The following IGFL2 variants were observed in gnomAD, a reference collection of about 807,000 sequenced individuals.
The protein encoded by IGFL2 is insulin growth factor-like family member 2.
IGFL2 carries 7 observed loss-of-function variants against 13.9 expected under a neutral mutation model. That is an observed-to-expected ratio of 0.51 (90% CI 0.29 to 0.95). The LOEUF (loss-of-function observed/expected upper bound fraction) is 0.95. Ranked by LOEUF, IGFL2 falls within the 40% of genes least tolerant of loss-of-function variation. The pLI is 0.08. For synonymous variants in IGFL2, 55 were observed against 55.8 expected (o/e 0.99, Z 0.07); for missense variants, 138 against 147.8 (o/e 0.93, Z 0.34).
intron 1 of IGFL2, among the ~76,000 whole-genome samples, chr19:46,157,320 AATG>A (rs2146872435): frequency 6.6e-6 from 1 of 152,286 alleles, no homozygotes. Context: ...AAACAAGAAC[AATG>A]ACAACAACAA....
At chr19:46,102,594 G>A in the IGFL2 span, among the ~76,000 whole-genome samples, 1 of 152,136 alleles carries the variant, frequency 6.6e-6, no homozygotes, top group Non-Finnish European at 1.5e-5. Flanking sequence ...ATCAGTTAGG[G>A]TGGGGCAGGA....
chr19:46,123,790 C>T, the IGFL2 span: 1,492 of 1,363,224 alleles, frequency 1.1e-3, 40 homozygotes, highest in South Asian at 0.011. Context: ...ACTCTTTTGC[C>T]GTTAGAACTC....
At chr19:46,176,650 G>A in the IGFL2 span, among the ~76,000 whole-genome samples, 2 of 134,862 alleles carry the variant, frequency 1.5e-5, no homozygotes, top group East Asian at 4.5e-4. Context: ...GAGCCCAGAT[G>A]CCAGGGATCT....
the IGFL2 span, among the ~76,000 whole-genome samples, chr19:46,079,392 G>C: frequency 3.9e-3 from 598 of 152,342 alleles, 1 homozygote; most frequent in African/African-American, 0.013. Context: ...CTAGAAAATG[G>C]AGCTCAGCGA....
the IGFL2 span, among the ~76,000 whole-genome samples, chr19:46,183,226 A>C: frequency 6.6e-6 from 1 of 152,136 alleles, no homozygotes; most frequent in Admixed American, 6.5e-5. Flanking sequence ...TTCACTCACT[A>C]TCATGAGAAC....
chr19:46,146,149 GTCT>G (rs756753340), upstream of IGFL2, among the ~76,000 whole-genome samples: 14 of 151,412 alleles, frequency 9.2e-5, no homozygotes, highest in African/African-American at 2.2e-4. Flanking sequence ...TTTGGTAGAA[GTCT>G]TCTTTTTTTT....
At chr19:46,115,980 C>G in the IGFL2 span, among the ~76,000 whole-genome samples, 1 of 152,154 alleles carries the variant, frequency 6.6e-6, no homozygotes, top group Non-Finnish European at 1.5e-5. Context: ...CTGCCACTCT[C>G]TGTTCTCAGG....
chr19:46,197,263 T>A, the IGFL2 span: 1 of 193,000 alleles, frequency 5.2e-6, no homozygotes, highest in Non-Finnish European at 1.1e-5. Context: ...GACCCTGACC[T>A]CAGATAACAG....
chr19:46,099,571 C>T, the IGFL2 span, among the ~76,000 whole-genome samples: 1 of 151,654 alleles, frequency 6.6e-6, no homozygotes, highest in Non-Finnish European at 1.5e-5. Context: ...CTCTGTCACC[C>T]AGGCTGGAGT....
the IGFL2 span, among the ~76,000 whole-genome samples, chr19:46,106,782 G>A: frequency 6.6e-6 from 1 of 152,144 alleles, no homozygotes; most frequent in Non-Finnish European, 1.5e-5. Flanking sequence ...TTTAAAGCCT[G>A]CTGTGGGATG....
chr19:46,147,989 A>G (rs1171750221), upstream of IGFL2: 1 of 381,454 alleles, frequency 2.6e-6, no homozygotes, highest in Non-Finnish European at 4.7e-6. Context: ...AGTTCAAAGA[A>G]TGACACTCAC....
the IGFL2 span, chr19:46,207,533 C>A: frequency 6.6e-6 from 1 of 152,140 alleles, no homozygotes; most frequent in Non-Finnish European, 1.5e-5. Flanking sequence ...AAGCGCCCAC[C>A]AGCATGCCCA....
the IGFL2 span, among the ~76,000 whole-genome samples, chr19:46,181,603 C>A: frequency 1.3e-5 from 2 of 152,206 alleles, no homozygotes; most frequent in African/African-American, 4.8e-5. Context: ...TCCTGACACT[C>A]CCTCCCAGGA....
At chr19:46,202,641 C>T in the IGFL2 span, 5 of 152,178 alleles carry the variant, frequency 3.3e-5, no homozygotes, top group African/African-American at 1.2e-4. Context: ...CATGCATCCC[C>T]ACAGTGATTA....
chr19:46,157,102 T>G (rs1973866359), intron 1 of IGFL2, among the ~76,000 whole-genome samples: 1 of 152,192 alleles, frequency 6.6e-6, no homozygotes, highest in Non-Finnish European at 1.5e-5. Flanking sequence ...AGTAGCCTTA[T>G]AACTATTAAG....
the IGFL2 span, among the ~76,000 whole-genome samples, chr19:46,187,301 G>A: frequency 2.7e-5 from 4 of 150,656 alleles, no homozygotes; most frequent in Non-Finnish European, 4.4e-5. Context: ...ATTTATACCT[G>A]AGGTTGTGCT....
chr19:46,095,491 A>G, the IGFL2 span, among the ~76,000 whole-genome samples: 1 of 152,102 alleles, frequency 6.6e-6, no homozygotes, highest in Non-Finnish European at 1.5e-5. Flanking sequence ...GTTCATGCTG[A>G]TGATAATTTC....
the IGFL2 span, chr19:46,112,150 C>G: frequency 6.6e-6 from 1 of 152,314 alleles, no homozygotes; most frequent in East Asian, 1.9e-4. Context: ...AGCTAACTTT[C>G]AAAAGGCAGT....
chr19:46,148,838 G>T (rs1973283437), intron 1 of IGFL2: 2 of 1,492,334 alleles, frequency 1.3e-6, no homozygotes, highest in African/African-American at 2.8e-5. Context: ...TTGGACTGTG[G>T]TTGTGCCAGT....
Sources: allele counts gnomAD v4.1 joint callset (sites outside exome capture counted in the v4.1 genomes callset), GRCh38; gene constraint gnomAD v4.1.1; transcripts MANE v1.5; gene names NCBI Gene and HGNC (gene_info 2026-07-23, HGNC 2026-07-21).